The following FBXO32 variants were observed in gnomAD, a reference collection of about 807,000 sequenced individuals.
FBXO32 encodes the protein F-box only protein 32.
A neutral mutation model predicts 48.3 loss-of-function variants in FBXO32; 15 were observed. The ratio of observed to expected loss-of-function variants is 0.31; its 90% confidence interval spans 0.21 to 0.48. The LOEUF is 0.48. Ranked by LOEUF, FBXO32 falls within the 20% of genes least tolerant of loss-of-function variation. The pLI is 0.99. For synonymous variants in FBXO32, 154 were observed against 165.9 expected, an observed-to-expected ratio of 0.93 and a Z score of 0.55; for missense variants, 309 against 432.7, an observed-to-expected ratio of 0.71 and a Z score of 2.54.
chr8:123,527,208 G>A (rs1019742961), intron 4 of FBXO32: 1 of 152,208 alleles, frequency 6.6e-6, no homozygotes, highest in Non-Finnish European at 1.5e-5. Flanking sequence ...CTTCAAGGTA[G>A]AGTCAGATCT....
chr8:123,539,027 A>G (rs765329140), intron 1 of FBXO32, among the ~76,000 whole-genome samples: 6 of 152,168 alleles, frequency 3.9e-5, no homozygotes, highest in Non-Finnish European at 8.8e-5. Context: ...ATTTTTAGAG[A>G]CAGGGTCTCG....
rs1237634023 is a variant in FBXO32, at chr8:123,500,956, A to C, written c.*2417T>G. The C allele has an allele frequency of 6.6e-6, 1 of 152,246 alleles. No individual in the cohort carries two copies. Among genetic ancestry groups the C allele is most frequent in the Non-Finnish European group, 1.5e-5 (1 of 68,050 alleles). 9.4% of individuals were successfully genotyped at this position (152,246 alleles called of 1,614,324 possible). A position where few individuals can be genotyped will look rare whatever the true frequency, so the allele number is the denominator to read the frequency against. ...TCTTGGGGCAGAGGTCATCTTGCAC[A>C]GATGCACATGGTTGCCTGGAGTCTA... On this transcript the variant is annotated 3_prime_UTR_variant, in exon 9 of 9. Transcript: ENST00000517956.
chr8:123,532,639 G>A (rs532825396), intron 3 of FBXO32, among the ~76,000 whole-genome samples: 14 of 152,252 alleles, frequency 9.2e-5, no homozygotes, highest in Non-Finnish European at 2.1e-4. Flanking sequence ...GGTCCCTGAC[G>A]GTCATAGAAA....
chr8:123,528,841 T>A (rs146493475), intron 4 of FBXO32, among the ~76,000 whole-genome samples: 1 of 152,194 alleles, frequency 6.6e-6, no homozygotes, highest in Non-Finnish European at 1.5e-5. Context: ...TTTTTTTTGT[T>A]TTTGTTTTTT....
At chr8:123,523,552 T>C (rs530616647) in intron 4 of FBXO32, among the ~76,000 whole-genome samples, 1 of 152,020 alleles carries the variant, frequency 6.6e-6, no homozygotes, top group Admixed American at 6.6e-5. Flanking sequence ...ATCGCGGCAC[T>C]GCACTCCAGC....
At position 123,525,928 on chromosome 8, in the gene FBXO32, G is replaced by GT. The variant is rs1327561194; in HGVS notation, c.372+5969dup. ...CTGCTTGGCCAAGGTGCTGTTTCTT[G>GT]TTTTTTTTCCAGTGGCTTCCTCCTG... On this transcript the variant is annotated intron_variant, in intron 4 of 8. Coordinates refer to ENST00000517956, the MANE Select transcript of FBXO32 (RefSeq NM_058229.4). This position sits in a 1 kb window ranked among gnomAD's most constrained non-coding sequence, Gnocchi z 4.3. Among the ~76,000 whole-genome samples, 8 of 151,852 alleles carry GT rather than the reference G, an allele frequency of 5.3e-5. 1 individual carries two copies. In the East Asian group the frequency reaches 5.8e-4, roughly 11 times the overall value.
At chr8:123,531,810 T>G (rs1387811457) in intron 4 of FBXO32, 88 bp downstream of exon 4, 1 of 1,530,974 alleles carries the variant, frequency 6.5e-7, no homozygotes, top group Non-Finnish European at 8.8e-7. Flanking sequence ...AAAAAGTAAT[T>G]TTTTGGGGAA....
At chr8:123,529,000 G>C (rs939502263) in intron 4 of FBXO32, among the ~76,000 whole-genome samples, 3 of 152,130 alleles carry the variant, frequency 2.0e-5, no homozygotes, top group Non-Finnish European at 4.4e-5. Flanking sequence ...GAATGTATGA[G>C]AAGTATACTG....
At position 123,540,994 on chromosome 8, in the gene FBXO32, G is replaced by C; in HGVS notation, c.21C>G (p.Asp7Glu). 6.2e-7 allele frequency: 1 copy of C among 1,611,202 alleles called. No homozygotes were observed. The highest frequency in any genetic ancestry group is 8.5e-7 in the Non-Finnish European group (1 of 1,178,414). The change falls in exon 1 of 9, where the codon GAC becomes GAG. Residue 7 changes from aspartate to glutamate, a missense_variant. Transcript: ENST00000517956. This position sits in a 1 kb window ranked among gnomAD's most constrained non-coding sequence, Gnocchi z 6.4. ...CCCAGTTCTGCCCGGGGGACCGCCA[G>C]TCCTGCCCGAGGAATGGCATGGCAC... MPFLGQDWRSPGQNWVK... is the reference protein window; with the variant it reads MPFLGQEWRSPGQNWVK...
chr8:123,510,959 GC>G (rs2130511756), intron 6 of FBXO32, among the ~76,000 whole-genome samples: 1 of 152,384 alleles, frequency 6.6e-6, no homozygotes, highest in Admixed American at 6.5e-5. Flanking sequence ...AAGCTTCAAA[GC>G]CCTGAGGCAG....
intron 1 of FBXO32, among the ~76,000 whole-genome samples, chr8:123,538,719 A>G (rs1187117109): frequency 6.6e-6 from 1 of 152,204 alleles, no homozygotes; most frequent in Non-Finnish European, 1.5e-5. Context: ...GCTGACTCAA[A>G]GGACCACAGG....
At chr8:123,531,820 A>T in intron 4 of FBXO32, 78 bp downstream of exon 4, 1 of 1,553,672 alleles carries the variant, frequency 6.4e-7, no homozygotes, top group Non-Finnish European at 8.7e-7. Context: ...TTTTTGGGGA[A>T]ACTACTTCAA....
In FBXO32 at chr8:123,499,426, CAGT is replaced by C. The variant is rs1344908709; in HGVS notation, c.*3944_*3946del. ...ACTAATAGGATTTTAGGCCAGCATC[CAGT>C]CAGAAGAGATAGTTCACAGACTCAG... is the stretch of plus-strand genomic sequence containing the variant. On this transcript the variant is annotated 3_prime_UTR_variant, in exon 9 of 9. Coordinates refer to ENST00000517956, the MANE Select transcript of FBXO32 (RefSeq NM_058229.4). The C allele has an allele frequency of 6.0e-5, 9 of 150,502 alleles. No individual in the cohort carries two copies. The highest frequency in any genetic ancestry group is 2.0e-4 in the African/African-American group (8 of 40,858). The allele number at this position is 150,502 out of a possible 1,614,324, so 9.3% of individuals were successfully genotyped here.
Position 123,518,297 on chromosome 8 carries a change from C to T in FBXO32, c.373-3964G>A, listed in dbSNP as rs12216809. 1.6e-4 allele frequency among the ~76,000 whole-genome samples: 25 copies of T among 152,202 alleles called. No homozygotes were observed. The East Asian group carries it at 3.7e-3, about 22-fold the overall frequency. On this transcript the variant is annotated intron_variant, in intron 4 of 8. Coordinates refer to ENST00000517956, the MANE Select transcript of FBXO32 (RefSeq NM_058229.4). ...CTGTGCCTGCTACAAAGAATATACT[C>T]GATAAATTATTATTGTTAGCTTTTA...
In FBXO32 at chr8:123,531,900, G is replaced by T. The variant is rs763628567; in HGVS notation, c.370C>A (p.Arg124=). The T allele has an allele frequency of 6.2e-7, 1 of 1,614,008 alleles. No homozygotes were observed. The highest frequency in any genetic ancestry group is 2.2e-5 in the East Asian group (1 of 44,878). Residue 124 remains arginine (R), a splice_region_variant and synonymous_variant, in exon 4 of 9, where the codon CGG becomes AGG. Coordinates refer to ENST00000517956, the MANE Select transcript of FBXO32 (RefSeq NM_058229.4). ...GCCTTTAGGCACTTGAGACTTACCCGGACCACGTAGTTAAATCTTCTGGAA... is the reference window on the plus strand; with the variant it reads ...GCCTTTAGGCACTTGAGACTTACCCTGACCACGTAGTTAAATCTTCTGGAA... ...LDSRRFNYVV[R]LLELIAKSQL...
At position 123,498,168 on chromosome 8, in the gene FBXO32, C is replaced by G. The variant is rs1031916441; in HGVS notation, c.*5205G>C. ...AGCTTAGGACACAGGCTGTAATATACGCCCACTTTAGCCATGGTGATTGGC... is the reference window on the plus strand; with the variant it reads ...AGCTTAGGACACAGGCTGTAATATAGGCCCACTTTAGCCATGGTGATTGGC... On this transcript the variant is annotated 3_prime_UTR_variant, in exon 9 of 9. Coordinates refer to ENST00000517956, the MANE Select transcript of FBXO32 (RefSeq NM_058229.4). The G allele has an allele frequency of 6.6e-6, 1 of 152,176 alleles. No homozygotes were observed. Among genetic ancestry groups the G allele is most frequent in the African/African-American group, 2.4e-5 (1 of 41,446 alleles). The allele number at this position is 152,176 out of a possible 1,614,324, so 9.4% of individuals were successfully genotyped here.
chr8:123,531,310 A>G (rs1186743993), intron 4 of FBXO32, among the ~76,000 whole-genome samples: 1 of 152,192 alleles, frequency 6.6e-6, no homozygotes, highest in Non-Finnish European at 1.5e-5. Context: ...CTTTAGGTGG[A>G]CATGGGACTG....
intron 2 of FBXO32, among the ~76,000 whole-genome samples, chr8:123,533,726 T>C (rs1817253783): frequency 6.6e-6 from 1 of 152,134 alleles, no homozygotes; most frequent in South Asian, 2.1e-4. Flanking sequence ...GAGAATCACT[T>C]GAACCCGGGA....
intron 6 of FBXO32, among the ~76,000 whole-genome samples, chr8:123,511,758 G>C (rs1816739817): frequency 6.6e-6 from 1 of 152,180 alleles, no homozygotes; most frequent in Non-Finnish European, 1.5e-5. Context: ...TTACAGACAT[G>C]AGCCACTGCA....
Sources: allele counts gnomAD v4.1 joint callset (sites outside exome capture counted in the v4.1 genomes callset), GRCh38; gene constraint gnomAD v4.1.1; non-coding constraint Gnocchi (gnomAD v3.1); transcripts MANE v1.5; gene names NCBI Gene and HGNC (gene_info 2026-07-23, HGNC 2026-07-21).